Variants in DYM observed in about 807,000 individuals in gnomAD.
DYM encodes dyggve-Melchior-Clausen syndrome protein.
Under a neutral mutation model 93.1 loss-of-function variants are expected in DYM, and 78 were observed. That is an observed-to-expected ratio of 0.84 (90% CI 0.70 to 1.01). DYM has a LOEUF of 1.01. Ranked by LOEUF, DYM falls within the 50% of genes least tolerant of loss-of-function variation. DYM has a pLI of 0.00. For synonymous variants in DYM, 321 were observed against 319.7 expected (o/e 1.00, Z -0.04); for missense variants, 789 against 845.0 (o/e 0.93, Z 0.82).
chr18:49,416,381 T>C (rs919804672), intron 2 of DYM, among the ~76,000 whole-genome samples: 1 of 152,188 alleles, frequency 6.6e-6, no homozygotes, highest in Non-Finnish European at 1.5e-5. Flanking sequence ...CCCCCTGCCA[T>C]GCTACATGGT....
chr18:49,273,954 C>T (rs776944413), intron 10 of DYM, among the ~76,000 whole-genome samples: 9 of 151,320 alleles, frequency 5.9e-5, no homozygotes, highest in South Asian at 4.2e-4. Context: ...GAGTAAGTAA[C>T]GGGTCCAATG....
At position 49,445,115 on chromosome 18, in the gene DYM, T is replaced by C. The variant is rs2081988162; in HGVS notation, c.-53-14668A>G. Reference sequence around the variant, plus strand: ...TTTTGAGCTTTATTAATAAAAAACTTGTAGAAATGTTTTCTCTCTTGTTAT... The same window carrying C: ...TTTTGAGCTTTATTAATAAAAAACTCGTAGAAATGTTTTCTCTCTTGTTAT... On this transcript the variant is annotated intron_variant, in intron 1 of 17. Transcript: ENST00000675505. Among the ~76,000 whole-genome samples the C allele has an allele frequency of 2.6e-5, 4 of 152,196 alleles. No individual in the cohort carries two copies. In the South Asian group the frequency reaches 8.3e-4, roughly 31 times the overall value.
chr18:49,079,332 G>C (rs550956999), intron 17 of DYM, among the ~76,000 whole-genome samples: 122 of 152,062 alleles, frequency 8.0e-4, no homozygotes, highest in African/African-American at 2.8e-3. Context: ...TCTTGATTCT[G>C]TGGATGTCGG....
chr18:49,103,223 AGT>A (rs1457374354), intron 16 of DYM, among the ~76,000 whole-genome samples: 7 of 152,190 alleles, frequency 4.6e-5, no homozygotes, highest in Non-Finnish European at 1.0e-4. Flanking sequence ...TCTTTTGAGA[AGT>A]GTCTGTTCAT....
chr18:49,085,851 C>A lies in DYM; in HGVS notation c.2025+11551G>T, dbSNP rs1282477239. 1.9e-4 allele frequency among the ~76,000 whole-genome samples: 29 copies of A among 152,160 alleles called. 1 individual carries two copies. Among genetic ancestry groups the A allele is most frequent in the Admixed American group, 1.9e-3 (29 of 15,286 alleles). Reference sequence around the variant, plus strand: ...TTGAACGTCTGACTGGTGATCCACCCGCCTTGGCCTCCCAAAGTGCTGGGA... The same window carrying A: ...TTGAACGTCTGACTGGTGATCCACCAGCCTTGGCCTCCCAAAGTGCTGGGA... On this transcript the variant is annotated intron_variant, in intron 17 of 17. Coordinates refer to ENST00000675505, the MANE Select transcript of DYM (RefSeq NM_001353214.3).
At chr18:49,392,620 T>G (rs961014446) in intron 2 of DYM, among the ~76,000 whole-genome samples, 9 of 143,430 alleles carry the variant, frequency 6.3e-5, no homozygotes, top group African/African-American at 1.1e-4. Context: ...TCACTAGTCA[T>G]TAGTGAAACA....
At chr18:49,249,517 G>A (rs1266086205) in intron 13 of DYM, among the ~76,000 whole-genome samples, 3 of 152,146 alleles carry the variant, frequency 2.0e-5, no homozygotes, top group Non-Finnish European at 4.4e-5. Context: ...GTTGGGGTAA[G>A]TTACTATTAA....
chr18:49,233,441 GC>G (rs1211562506), intron 13 of DYM, among the ~76,000 whole-genome samples: 3 of 151,514 alleles, frequency 2.0e-5, no homozygotes, highest in Non-Finnish European at 4.4e-5. Context: ...AGATGAAATA[GC>G]TTCTAGATGC....
At chr18:49,215,096 T>C (rs2092968443) in intron 13 of DYM, among the ~76,000 whole-genome samples, 1 of 152,266 alleles carries the variant, frequency 6.6e-6, no homozygotes, top group Non-Finnish European at 1.5e-5. Context: ...AACTTCTCCT[T>C]ATAATAAGCT....
intron 15 of DYM, among the ~76,000 whole-genome samples, chr18:49,138,787 G>T (rs75228040): frequency 0.17 from 25,446 of 152,028 alleles, 2,322 homozygotes; most frequent in Admixed American, 0.23. Context: ...GGGAGGATAG[G>T]TAAGTATTAA....
intron 1 of DYM, among the ~76,000 whole-genome samples, chr18:49,436,725 G>T (rs1275326997): frequency 6.6e-6 from 1 of 151,996 alleles, no homozygotes; most frequent in Non-Finnish European, 1.5e-5. Flanking sequence ...AAAGAGTGTT[G>T]GTTTGCTGAC....
At chr18:49,073,624 G>C (rs966380645) in intron 17 of DYM, among the ~76,000 whole-genome samples, 16 of 152,322 alleles carry the variant, frequency 1.1e-4, no homozygotes, top group African/African-American at 2.9e-4. Flanking sequence ...GAAGCCTGGA[G>C]TTGATTAAAT....
intron 17 of DYM, among the ~76,000 whole-genome samples, chr18:49,052,819 G>A (rs1217609557): frequency 6.6e-6 from 1 of 152,236 alleles, no homozygotes; most frequent in Non-Finnish European, 1.5e-5. Context: ...TGGGAAGGCA[G>A]AGGAGGTGCC....
intron 17 of DYM, among the ~76,000 whole-genome samples, chr18:49,067,443 G>GAT (rs1420454749): frequency 1.5e-4 from 23 of 151,802 alleles, no homozygotes; most frequent in Admixed American, 2.0e-4. Context: ...GGAGTAGGGT[G>GAT]ATGTGAGCAC....
In DYM at chr18:49,292,347, G is replaced by GACAC. The variant is rs1389526313; in HGVS notation, c.764-5732_764-5731insGTGT. ...AGGCAGGCAGGCAGGCAGACAGACA[G>GACAC]ACAGACAGACACACACACACACACA... On this transcript the variant is annotated intron_variant, in intron 8 of 17. Coordinates refer to ENST00000675505, the MANE Select transcript of DYM (RefSeq NM_001353214.3). 4.1e-3 allele frequency among the ~76,000 whole-genome samples: 279 copies of GACAC among 68,376 alleles called. 1 individual carries two copies. Among genetic ancestry groups the GACAC allele is most frequent in the Admixed American group, 6.6e-3 (44 of 6,654 alleles). The allele number at this position is 68,376 out of a possible 152,430, so 44.9% of individuals were successfully genotyped here.
intron 1 of DYM, among the ~76,000 whole-genome samples, chr18:49,437,989 G>C (rs991503780): frequency 6.6e-6 from 1 of 152,100 alleles, no homozygotes; most frequent in Non-Finnish European, 1.5e-5. Context: ...GAGCCCAGGA[G>C]TACGAGGCCA....
chr18:49,296,191 C>T (rs1420433971), intron 8 of DYM, among the ~76,000 whole-genome samples: 2 of 152,082 alleles, frequency 1.3e-5, no homozygotes, highest in African/African-American at 2.4e-5. Flanking sequence ...AGCCTCCCAA[C>T]GTGCTAGGAT....
At chr18:49,409,362 A>G (rs898382256) in intron 2 of DYM, among the ~76,000 whole-genome samples, 2 of 152,124 alleles carry the variant, frequency 1.3e-5, no homozygotes, top group African/African-American at 4.8e-5. Flanking sequence ...TTTGTTCATT[A>G]TAAAGACACA....
intron 11 of DYM, 129 bp downstream of exon 11, chr18:49,272,049 G>T: frequency 7.2e-6 from 4 of 555,908 alleles, no homozygotes; most frequent in East Asian, 3.6e-5. Flanking sequence ...TCTGAAGAAA[G>T]ACATAACATT....
Sources: allele counts gnomAD v4.1 joint callset (sites outside exome capture counted in the v4.1 genomes callset), GRCh38; gene constraint gnomAD v4.1.1; transcripts MANE v1.5; gene names NCBI Gene and HGNC (gene_info 2026-07-23, HGNC 2026-07-21).